GLRA3: variants seen among roughly 807,000 people sequenced by gnomAD.
GLRA3 encodes glycine receptor alpha 3, also known as glycine receptor subunit alpha-3.
GLRA3 carries 44 observed loss-of-function variants against 60.4 expected under a neutral mutation model. That is an observed-to-expected ratio of 0.73 (90% confidence interval 0.57 to 0.94). GLRA3 has a LOEUF of 0.94. Ranked by LOEUF, GLRA3 falls within the 40% of genes least tolerant of loss-of-function variation. GLRA3 has a pLI of 0.00. For synonymous variants in GLRA3, 223 were observed against 192.9 expected (o/e 1.16, Z -1.29); for missense variants, 508 against 564.6 (o/e 0.90, Z 1.02).
At chr4:174,804,217 A>G (rs1378308178) in intron 1 of GLRA3, among the ~76,000 whole-genome samples, 1 of 152,172 alleles carries the variant, frequency 6.6e-6, no homozygotes, top group African/African-American at 2.4e-5. Context: ...TGTTGAACAG[A>G]CAGGTAAAAA....
At chr4:174,813,476 C>A (rs1740351437) in intron 1 of GLRA3, among the ~76,000 whole-genome samples, 1 of 152,152 alleles carries the variant, frequency 6.6e-6, no homozygotes, top group African/African-American at 2.4e-5. Context: ...CGTAGCCACA[C>A]CACAGTACCA....
intron 3 of GLRA3, among the ~76,000 whole-genome samples, chr4:174,746,699 A>G (rs1737265851): frequency 6.6e-6 from 1 of 152,194 alleles, no homozygotes; most frequent in African/African-American, 2.4e-5. Context: ...ACCAATACCA[A>G]TATCTGCCAC....
At chr4:174,749,661 A>G (rs370187505) in intron 3 of GLRA3, among the ~76,000 whole-genome samples, 1 of 152,224 alleles carries the variant, frequency 6.6e-6, no homozygotes, top group East Asian at 1.9e-4. Flanking sequence ...GCTAAAAGAA[A>G]AAATAAAATC....
chr4:174,721,484 A>G (rs1166114398), intron 4 of GLRA3, among the ~76,000 whole-genome samples: 1 of 122,244 alleles, frequency 8.2e-6, no homozygotes, highest in Non-Finnish European at 1.9e-5. Flanking sequence ...CATATATAAC[A>G]TATATAAACA....
intron 4 of GLRA3, among the ~76,000 whole-genome samples, chr4:174,721,753 AT>A (rs1212279729): frequency 2.2e-4 from 33 of 151,692 alleles, no homozygotes; most frequent in Admixed American, 2.6e-4. Flanking sequence ...GAGGAAAAAA[AT>A]ATGTGTGTAT....
chr4:174,699,534 A>C (rs1049280416), intron 5 of GLRA3, among the ~76,000 whole-genome samples: 1 of 152,204 alleles, frequency 6.6e-6, no homozygotes, highest in Admixed American at 6.5e-5. Flanking sequence ...GCTGTGTAAT[A>C]GAATTATGCA....
chr4:174,735,196 T>TGAAA (rs1380830840), intron 3 of GLRA3, among the ~76,000 whole-genome samples: 1 of 151,924 alleles, frequency 6.6e-6, no homozygotes, highest in Non-Finnish European at 1.5e-5. Flanking sequence ...GATAACCAGG[T>TGAAA]GGACTTCACT....
chr4:174,737,777 G>A (rs1352331185), intron 3 of GLRA3, among the ~76,000 whole-genome samples: 1 of 152,172 alleles, frequency 6.6e-6, no homozygotes, highest in Non-Finnish European at 1.5e-5. Context: ...CTCCCAAAGT[G>A]CTGGGATTAC....
intron 1 of GLRA3, 139 bp from the exon 2 acceptor site, chr4:174,789,082 T>C (rs555202377): frequency 3.5e-5 from 18 of 516,916 alleles, no homozygotes; most frequent in African/African-American, 2.7e-4. Flanking sequence ...ACAGTGAAGA[T>C]TATAATAAGA....
intron 1 of GLRA3, among the ~76,000 whole-genome samples, chr4:174,809,551 G>A (rs1740181423): frequency 6.6e-6 from 1 of 152,028 alleles, no homozygotes; most frequent in Non-Finnish European, 1.5e-5. Flanking sequence ...TGGACAACAT[G>A]GCGAAACCCC....
At position 174,778,347 on chromosome 4, in the gene GLRA3, T is replaced by C. The variant is rs527650915; in HGVS notation, c.199+10469A>G. On this transcript the variant is annotated intron_variant, in intron 2 of 9. Transcript: ENST00000274093. ...ATAACTATTTCTTTTCTTTTCTTTT[T>C]TTTTCTTTTTTTGCTTTTACCATGT... 6.5e-4 allele frequency among the ~76,000 whole-genome samples: 99 copies of C among 152,214 alleles called. 3 individuals carry two copies. Among genetic ancestry groups the C allele is most frequent in the Admixed American group, 2.0e-4 (3 of 15,298 alleles).
chr4:174,729,513 T>G (rs181322620), intron 3 of GLRA3, among the ~76,000 whole-genome samples: 1 of 152,340 alleles, frequency 6.6e-6, no homozygotes, highest in African/African-American at 2.4e-5. Flanking sequence ...GATTTCCCAA[T>G]TAGATCTTTC....
chr4:174,777,137 C>G (rs1328868464), intron 2 of GLRA3, among the ~76,000 whole-genome samples: 1 of 151,998 alleles, frequency 6.6e-6, no homozygotes, highest in African/African-American at 2.4e-5. Context: ...AAAAATCCTC[C>G]TACTGAAAAA....
intron 5 of GLRA3, among the ~76,000 whole-genome samples, chr4:174,692,894 C>T (rs1344201942): frequency 1.3e-5 from 2 of 150,942 alleles, no homozygotes; most frequent in East Asian, 3.9e-4. Flanking sequence ...TCCTGTGACC[C>T]TGCCAAATTC....
At chr4:174,696,945 G>T (rs1357050985) in intron 5 of GLRA3, among the ~76,000 whole-genome samples, 1 of 152,038 alleles carries the variant, frequency 6.6e-6, no homozygotes, top group Non-Finnish European at 1.5e-5. Flanking sequence ...ATTCATTTTT[G>T]TTTGTTTCTC....
At position 174,747,261 on chromosome 4, in the gene GLRA3, C is replaced by G. The variant is rs116525127; in HGVS notation, c.268-18563G>C. On this transcript the variant is annotated intron_variant, in intron 3 of 9. Coordinates refer to ENST00000274093, the MANE Select transcript of GLRA3 (RefSeq NM_006529.4). ...GTGGAAAGAGTAGTCGATGAAGGAACAGCAAATGCAAGGAACAGATGTGAG... is the reference window on the plus strand; with the variant it reads ...GTGGAAAGAGTAGTCGATGAAGGAAGAGCAAATGCAAGGAACAGATGTGAG... Among the ~76,000 whole-genome samples the G allele has an allele frequency of 9.3e-3, 1,417 of 152,180 alleles. 20 individuals carry two copies. Among genetic ancestry groups the G allele is most frequent in the African/African-American group, 0.032 (1,341 of 41,522 alleles).
intron 3 of GLRA3, among the ~76,000 whole-genome samples, chr4:174,757,192 T>C (rs1224386417): frequency 6.6e-6 from 1 of 152,206 alleles, no homozygotes; most frequent in Non-Finnish European, 1.5e-5. Flanking sequence ...AAGTTGAGAA[T>C]ATGTCAATAT....
At chr4:174,668,674 A>C (rs995397565) in intron 7 of GLRA3, among the ~76,000 whole-genome samples, 1 of 152,204 alleles carries the variant, frequency 6.6e-6, no homozygotes, top group Non-Finnish European at 1.5e-5. Flanking sequence ...GTTTAAACTT[A>C]AGAAAAAGAA....
At position 174,642,713 on chromosome 4, in the gene GLRA3, T is replaced by C; in HGVS notation, c.*1073A>G. On this transcript the variant is annotated 3_prime_UTR_variant, in exon 10 of 10. Transcript: ENST00000274093. ...TCACTTTATAGAAATGACTTACTTA[T>C]ATCATTTAAAATTAAAACTTTCCCT... The C allele has an allele frequency of 2.8e-6, 2 of 718,550 alleles. No homozygotes were observed. Among genetic ancestry groups the C allele is most frequent in the Middle Eastern group, 7.3e-4 (1 of 1,362 alleles). The allele number at this position is 718,550 out of a possible 1,614,324, so 44.5% of individuals were successfully genotyped here.
Sources: gnomAD v4.1 joint callset for allele counts (sites outside exome capture counted in the v4.1 genomes callset) on GRCh38, gnomAD v4.1.1 for gene constraint, MANE v1.5 for transcripts, NCBI Gene and HGNC (gene_info 2026-07-23, HGNC 2026-07-21) for gene names.